Variants in EPHA1 observed in about 807,000 individuals in gnomAD.
EPHA1 encodes the protein EPH receptor A1, also known as ephrin type-A receptor 1.
A neutral mutation model predicts 110.1 loss-of-function variants in EPHA1; 92 were observed. That is an observed-to-expected ratio of 0.84 (90% CI 0.71 to 0.99). The LOEUF is 0.99. EPHA1 is among the 50% of genes least tolerant of loss of function. The pLI is 0.00. For missense variants in EPHA1, 1,204 were observed against 1,285.4 expected, an observed-to-expected ratio of 0.94 and a Z score of 0.97; for synonymous variants, 500 against 516.1, an observed-to-expected ratio of 0.97 and a Z score of 0.42.
intron 2 of EPHA1, among the ~76,000 whole-genome samples, chr7:143,405,453 G>C (rs1805524007): frequency 1.3e-5 from 2 of 151,878 alleles, no homozygotes; most frequent in Non-Finnish European, 2.9e-5. Flanking sequence ...GTGTGTGTGT[G>C]TGTGTGTGTT....
At chr7:143,406,377 C>T (rs1357969618) in intron 2 of EPHA1, among the ~76,000 whole-genome samples, 1 of 152,212 alleles carries the variant, frequency 6.6e-6, no homozygotes, top group Non-Finnish European at 1.5e-5. Flanking sequence ...TAGGTCCCTG[C>T]AGGGTGGCTC....
In EPHA1 at chr7:143,399,770, G is replaced by A. The variant is rs1805367092; in HGVS notation, c.716C>T (p.Pro239Leu). The A allele has an allele frequency of 6.2e-7, 1 of 1,612,778 alleles. No homozygotes were observed. The highest frequency in any genetic ancestry group is 2.2e-5 in the East Asian group (1 of 44,876). The change falls in exon 4 of 18, where the codon CCC becomes CTC. Residue 239 changes from proline to leucine, a missense_variant. Physicochemically the swap from Pro to Leu is moderately conservative, Grantham distance 98. Coordinates refer to ENST00000275815, the MANE Select transcript of EPHA1 (RefSeq NM_005232.5). ...GTCLPHARAS[P>L]RPSGAPRMHC... ...CATGCGGGGTGCACCTGAGGGCCTG[G>A]GGCTGGCCCGCGCGTGGGGCAAGCA...
At position 143,394,275 on chromosome 7, in the gene EPHA1, G is replaced by A. The variant is rs56244405; in HGVS notation, c.2421C>T (p.Ser807=). Residue 807 remains serine, a synonymous_variant, in exon 15 of 18, where the codon AGC becomes AGT. Transcript: ENST00000275815. ...AIAHRIFTTA[S]DVWSFGIVMW... ...TCACAATCCCAAAGCTCCACACATCGCTGGCTGTGGTGAAGATCCGATGGG... is the reference window on the plus strand; with the variant it reads ...TCACAATCCCAAAGCTCCACACATCACTGGCTGTGGTGAAGATCCGATGGG... 20 of 1,613,904 alleles carry A rather than the reference G, an allele frequency of 1.2e-5. No individual in the cohort carries two copies. Among genetic ancestry groups the A allele is most frequent in the African/African-American group, 4.0e-5 (3 of 74,850 alleles).
chr7:143,408,168 G>C (rs972388200), intron 1 of EPHA1, among the ~76,000 whole-genome samples: 1 of 152,220 alleles, frequency 6.6e-6, no homozygotes, highest in African/African-American at 2.4e-5. Context: ...GAGCCGTGAA[G>C]TGGGGATAAG....
chr7:143,394,611 G>A (rs1219599539), intron 14 of EPHA1, among the ~76,000 whole-genome samples, 197 bp downstream of exon 14: 1 of 151,934 alleles, frequency 6.6e-6, no homozygotes, highest in African/African-American at 2.4e-5. Context: ...TAGTAGAGAC[G>A]GGGTTTCACC....
intron 14 of EPHA1, among the ~76,000 whole-genome samples, chr7:143,394,584 C>A (rs919615891): frequency 6.6e-6 from 1 of 152,076 alleles, no homozygotes; most frequent in African/African-American, 2.4e-5. Flanking sequence ...CCATGCCCAG[C>A]TAATTTTTTG....
chr7:143,407,889 A>G (rs1805599762), intron 1 of EPHA1: 2 of 411,880 alleles, frequency 4.9e-6, no homozygotes, highest in Admixed American at 8.5e-5. Context: ...GAAGGAAGGC[A>G]GGTAGAGTGG....
At chr7:143,405,063 T>C (rs1228669333) in intron 2 of EPHA1, among the ~76,000 whole-genome samples, 1 of 151,784 alleles carries the variant, frequency 6.6e-6, no homozygotes, top group Non-Finnish European at 1.5e-5. Flanking sequence ...TTCTGCATTA[T>C]GTTAGGGAGT....
intron 2 of EPHA1, among the ~76,000 whole-genome samples, chr7:143,404,131 T>TA (rs527694781): frequency 7.2e-5 from 11 of 152,336 alleles, no homozygotes; most frequent in African/African-American, 2.6e-4. Context: ...ATGATCTATA[T>TA]TTTCTCCTAA....
Position 143,393,295 on chromosome 7 carries a change from T to A in EPHA1, c.2696+376A>T, listed in dbSNP as rs1434535324. ...AAAACTTCATGAATGGATGACCCTT[T>A]CCTTCACATGCAGAAATATTTCTAT... On this transcript the variant is annotated intron_variant, in intron 16 of 17. Coordinates refer to ENST00000275815, the MANE Select transcript of EPHA1 (RefSeq NM_005232.5). This position sits in a 1 kb window ranked among gnomAD's most constrained non-coding sequence, Gnocchi z 5.6. 6.6e-6 allele frequency among the ~76,000 whole-genome samples: 1 copy of A among 152,162 alleles called. No individual in the cohort carries two copies. Among genetic ancestry groups the A allele is most frequent in the Non-Finnish European group, 1.5e-5 (1 of 68,032 alleles).
chr7:143,400,603 T>C (rs191645106), intron 3 of EPHA1, among the ~76,000 whole-genome samples: 1 of 152,264 alleles, frequency 6.6e-6, no homozygotes, highest in Admixed American at 6.5e-5. Flanking sequence ...CTGCAGGGAA[T>C]TGTCTTGCTA....
At position 143,394,820 on chromosome 7, in the gene EPHA1, T is replaced by A. The variant is rs369952341; in HGVS notation, c.2340A>T (p.Thr780=). ...LTRLLDDFDG[T]YETQGGKIPI... ...ACCGGCCTCTAACCTGGGTTTCGTATGTGCCATCAAAGTCATCCAGGAGGC... is the reference window on the plus strand; with the variant it reads ...ACCGGCCTCTAACCTGGGTTTCGTAAGTGCCATCAAAGTCATCCAGGAGGC... Residue 780 remains threonine (T), a synonymous_variant, in exon 14 of 18, where the codon ACA becomes ACT. Transcript: ENST00000275815. The A allele has an allele frequency of 6.2e-7, 1 of 1,614,046 alleles. No individual in the cohort carries two copies. The highest frequency in any genetic ancestry group is 1.3e-5 in the African/African-American group (1 of 74,934).
At chr7:143,396,309 G>A in intron 11 of EPHA1, 76 bp downstream of exon 11, 2 of 1,544,908 alleles carry the variant, frequency 1.3e-6, no homozygotes, top group African/African-American at 1.4e-5. Context: ...GGAAGCGCTG[G>A]AAGGAAGGGG....
At chr7:143,402,118 G>A (rs1366628356) in intron 2 of EPHA1, among the ~76,000 whole-genome samples, 1 of 146,612 alleles carries the variant, frequency 6.8e-6, no homozygotes, top group East Asian at 2.0e-4. Flanking sequence ...TGGTAGAGAT[G>A]AGTTCTTGCT....
In EPHA1 at chr7:143,395,860, C is replaced by T. The variant is rs560444762; in HGVS notation, c.1898-356G>A. On this transcript the variant is annotated intron_variant, in intron 11 of 17. Coordinates refer to ENST00000275815, the MANE Select transcript of EPHA1 (RefSeq NM_005232.5). This position sits in a 1 kb window ranked among gnomAD's most constrained non-coding sequence, Gnocchi z 4.7. ...AAGTGGCAGGGACGCTGGCTATGGC[C>T]GCCTCTCTTCTGTGAGCTCCTCTGG... 3.9e-5 allele frequency among the ~76,000 whole-genome samples: 6 copies of T among 152,322 alleles called. No homozygotes were observed. Among genetic ancestry groups the T allele is most frequent in the East Asian group, 1.9e-4 (1 of 5,182 alleles).
intron 2 of EPHA1, among the ~76,000 whole-genome samples, chr7:143,403,508 T>C (rs1197542771): frequency 6.6e-6 from 1 of 152,242 alleles, no homozygotes; most frequent in African/African-American, 2.4e-5. Context: ...TGTTGGACAT[T>C]TAGACAGCTT....
intron 2 of EPHA1, among the ~76,000 whole-genome samples, chr7:143,405,559 G>T (rs545105214): frequency 1.3e-5 from 2 of 152,232 alleles, no homozygotes; most frequent in South Asian, 4.2e-4. Flanking sequence ...GGACTGTTTT[G>T]CCTGTGCTGA....
At chr7:143,397,023 A>G (rs968291533) in intron 10 of EPHA1, among the ~76,000 whole-genome samples, 32 of 152,144 alleles carry the variant, frequency 2.1e-4, no homozygotes, top group African/African-American at 7.5e-4. Flanking sequence ...GGCTGTCCAG[A>G]GCCCAGGGTG....
At position 143,397,935 on chromosome 7, in the gene EPHA1, G is replaced by A. The variant is rs142265364; in HGVS notation, c.1600C>T (p.Arg534Trp). ...GATACCCCACCTGGTGGGCTGGTCC[G>A]AAACTCATGATCAGGGGAGAAAGGG... ...PGPFSPDHEF[R>W]TSPPVSRGLT... The change falls in exon 8 of 18, where the codon CGG (arginine) becomes TGG (tryptophan). Residue 534 changes from arginine to tryptophan, a missense_variant. Arg to Trp is a moderately radical substitution (Grantham distance 101). Coordinates refer to ENST00000275815, the MANE Select transcript of EPHA1 (RefSeq NM_005232.5). 82 of 1,613,962 alleles carry A rather than the reference G, an allele frequency of 5.1e-5. No individual in the cohort carries two copies. The highest frequency in any genetic ancestry group is 6.7e-5 in the East Asian group (3 of 44,884).
Sources: allele counts gnomAD v4.1 joint callset (sites outside exome capture counted in the v4.1 genomes callset), GRCh38; gene constraint gnomAD v4.1.1; non-coding constraint Gnocchi (gnomAD v3.1); transcripts MANE v1.5; gene names NCBI Gene and HGNC (gene_info 2026-07-23, HGNC 2026-07-21).